The following GPC4 variants were observed in gnomAD, a reference collection of about 807,000 sequenced individuals.
GPC4 encodes the protein glypican-4.
GPC4 carries 10 observed loss-of-function variants against 35.0 expected under a neutral mutation model. That is an observed-to-expected ratio of 0.29 (90% CI 0.18 to 0.48). The LOEUF (loss-of-function observed/expected upper bound fraction) is 0.48. Ranked by LOEUF, GPC4 falls within the 20% of genes least tolerant of loss-of-function variation. The pLI is 0.99. For missense variants in GPC4, 322 were observed against 451.3 expected (o/e 0.71, Z 2.60); for synonymous variants, 167 against 170.2 (o/e 0.98, Z 0.15).
At position 133,304,772 on chromosome X, in the gene GPC4, T is replaced by C. The variant is rs1478029794; in HGVS notation, c.1245A>G (p.Ala415=). 1.6e-5 allele frequency: 19 copies of C among 1,210,131 alleles called. No homozygotes were observed. The highest frequency in any genetic ancestry group is 2.0e-5 in the Non-Finnish European group (18 of 895,167). The change falls in exon 7 of 9, where the codon GCA becomes GCG. Residue 415 remains alanine, a synonymous_variant. Transcript: ENST00000370828. ...AACAGTCATCCTCATTGCCGTTTCC[T>C]GCAGCCATCCTCTCATCGTTGCAAA... ...SNVCNDERMA[A]GNGNEDDCWN...
At position 133,415,253 on chromosome X, in the gene GPC4, G is replaced by A. The variant is rs1364175509; in HGVS notation, c.-288C>T. The A allele has an allele frequency of 3.5e-6, 1 of 282,981 alleles. No homozygotes were observed. The highest frequency in any genetic ancestry group is 2.9e-5 in the African/African-American group (1 of 34,956). 23.3% of individuals were successfully genotyped at this position (282,981 alleles called of 1,213,427 possible). A position where few individuals can be genotyped will look rare whatever the true frequency, so the allele number is the denominator to read the frequency against. The stretch of plus-strand genomic sequence containing the variant: ...GCAGAGGCGCGGGCTGGTGACCTCG[G>A]GGTTTCGCGGGGCAGCGAACCCGGC... On this transcript the variant is annotated 5_prime_UTR_variant, in exon 1 of 9. Coordinates refer to ENST00000370828, the MANE Select transcript of GPC4 (RefSeq NM_001448.3).
chrX:133,324,079 C>A, intron 3 of GPC4, 66 bp downstream of exon 3: 1 of 1,109,659 alleles, frequency 9.0e-7, no homozygotes. Context: ...CTACCTTTCC[C>A]AAACATTCTT....
intron 4 of GPC4, among the ~76,000 whole-genome samples, chrX:133,307,530 T>G (rs771668868): frequency 8.9e-6 from 1 of 112,085 alleles, no homozygotes; most frequent in African/African-American, 3.2e-5. Context: ...CAAGTGATGC[T>G]TCTAACTCTA....
chrX:133,321,057 G>A (rs2068362759), intron 3 of GPC4, among the ~76,000 whole-genome samples: 1 of 111,561 alleles, frequency 9.0e-6, no homozygotes, highest in Non-Finnish European at 1.9e-5. Context: ...AAAAAGAAAG[G>A]AGAAAGAAAA....
chrX:133,358,302 G>T (rs2124149437), intron 1 of GPC4, among the ~76,000 whole-genome samples: 1 of 112,074 alleles, frequency 8.9e-6, no homozygotes, highest in African/African-American at 3.2e-5. Flanking sequence ...ATATCCAAAG[G>T]TTTCTACAGA....
intron 1 of GPC4, among the ~76,000 whole-genome samples, chrX:133,373,253 A>G (rs1030267662): frequency 7.2e-5 from 8 of 111,815 alleles, no homozygotes; most frequent in African/African-American, 2.6e-4. Flanking sequence ...AATCGAACAT[A>G]CAACACAAGA....
intron 2 of GPC4, among the ~76,000 whole-genome samples, chrX:133,326,880 G>A (rs989148334): frequency 1.8e-5 from 2 of 112,414 alleles, no homozygotes; most frequent in Non-Finnish European, 3.8e-5. Flanking sequence ...GACCTTAAAT[G>A]TCATCTGGTC....
chrX:133,389,427 C>A (rs921652116), intron 1 of GPC4, among the ~76,000 whole-genome samples: 4 of 111,966 alleles, frequency 3.6e-5, no homozygotes, highest in African/African-American at 1.3e-4. Flanking sequence ...TCCATTCATT[C>A]ATTCATGGCA....
intron 1 of GPC4, among the ~76,000 whole-genome samples, chrX:133,406,776 T>TA (rs1189982089): frequency 1.2e-5 from 1 of 82,400 alleles, no homozygotes; most frequent in Non-Finnish European, 2.3e-5. Flanking sequence ...AAAAGAAAAT[T>TA]AAAAAAAACT....
intron 4 of GPC4, 88 bp from the exon 5 acceptor site, chrX:133,306,242 G>C (rs908330461): frequency 1.4e-5 from 14 of 1,027,417 alleles, no homozygotes; most frequent in Non-Finnish European, 1.8e-5. Context: ...TTTTTTTTCT[G>C]TCTGTTTCCT....
chrX:133,389,306 G>A (rs754754466), intron 1 of GPC4, among the ~76,000 whole-genome samples: 3 of 111,410 alleles, frequency 2.7e-5, no homozygotes, highest in East Asian at 2.8e-4. Context: ...CTGGAACTGC[G>A]TCTGTCTTAC....
At chrX:133,354,758 C>T (rs887691359) in intron 1 of GPC4, among the ~76,000 whole-genome samples, 7 of 104,946 alleles carry the variant, frequency 6.7e-5, no homozygotes, top group Non-Finnish European at 1.2e-4. Flanking sequence ...TTAGTAGAGA[C>T]GGGGTTTCAC....
In GPC4 at chrX:133,303,622, T is replaced by C. The variant is rs1248339263; in HGVS notation, c.1293-281A>G. Among the ~76,000 whole-genome samples, 33 of 110,488 alleles carry C rather than the reference T, an allele frequency of 3.0e-4. 1 individual carries two copies. The highest frequency in any genetic ancestry group is 1.1e-3 in the African/African-American group (33 of 30,341). On this transcript the variant is annotated intron_variant, in intron 7 of 8. Transcript: ENST00000370828. ...ATCACAGCACTTTTGGAGGCTAAGGTGGGTGGATCACTTGAGGTCAGGCAT... is the reference window on the plus strand; with the variant it reads ...ATCACAGCACTTTTGGAGGCTAAGGCGGGTGGATCACTTGAGGTCAGGCAT...
intron 1 of GPC4, among the ~76,000 whole-genome samples, chrX:133,378,983 T>C (rs181098336): frequency 2.7e-5 from 3 of 112,270 alleles, no homozygotes; most frequent in African/African-American, 9.7e-5. Context: ...AAGACGTGGG[T>C]TCACTTCATA....
intron 1 of GPC4, among the ~76,000 whole-genome samples, chrX:133,402,752 A>C (rs1446450462): frequency 3.6e-5 from 4 of 109,801 alleles, no homozygotes; most frequent in African/African-American, 1.3e-4. Context: ...AAAATACCAA[A>C]ATTAGCCGAG....
At chrX:133,323,109 C>T (rs1163566428) in intron 3 of GPC4, among the ~76,000 whole-genome samples, 3 of 111,305 alleles carry the variant, frequency 2.7e-5, no homozygotes, top group Non-Finnish European at 5.6e-5. Context: ...CACAGTTGCA[C>T]GGTCTCACCC....
intron 1 of GPC4, among the ~76,000 whole-genome samples, chrX:133,344,186 T>G (rs2124137491): frequency 1.0e-5 from 1 of 96,733 alleles, no homozygotes; most frequent in East Asian, 3.1e-4. Context: ...CTTTCTTTCT[T>G]TCTGGTTTTT....
At chrX:133,408,744 A>G (rs941985435) in intron 1 of GPC4, among the ~76,000 whole-genome samples, 12 of 111,909 alleles carry the variant, frequency 1.1e-4, no homozygotes, top group Admixed American at 2.8e-4. Flanking sequence ...AAAAATAAAA[A>G]AAAATCCTAT....
chrX:133,346,904 A>G (rs2068493550), intron 1 of GPC4, among the ~76,000 whole-genome samples: 1 of 110,958 alleles, frequency 9.0e-6, no homozygotes, highest in African/African-American at 3.3e-5. Flanking sequence ...GAAAGTGAGG[A>G]TGCCAGCTAA....
Sources: gnomAD v4.1 joint callset for allele counts (sites outside exome capture counted in the v4.1 genomes callset) on GRCh38, gnomAD v4.1.1 for gene constraint, MANE v1.5 for transcripts, NCBI Gene and HGNC (gene_info 2026-07-23, HGNC 2026-07-21) for gene names.